Variants in MUC4 observed in about 807,000 individuals in gnomAD.
The protein encoded by MUC4 is mucin 4, cell surface associated.
Under a neutral mutation model 257.9 loss-of-function variants are expected in MUC4, and 202 were observed. That is an observed-to-expected ratio of 0.78 (90% confidence interval 0.70 to 0.88). MUC4 has a LOEUF of 0.88. Ranked by LOEUF, MUC4 falls within the 40% of genes least tolerant of loss-of-function variation. The pLI is 0.00. For synonymous variants in MUC4, 2,351 were observed against 2,757.1 expected (o/e 0.85, Z 4.62); for missense variants, 5,976 against 6,513.7 (o/e 0.92, Z 2.84).
At chr3:195,765,519 G>T in intron 8 of MUC4, 70 bp from the exon 9 acceptor site, 1 of 1,486,122 alleles carries the variant, frequency 6.7e-7, no homozygotes, top group Non-Finnish European at 9.1e-7. Flanking sequence ...CAGCTTTAGG[G>T]TCAACCAAAA....
At position 195,811,798 on chromosome 3, in the gene MUC4, C is replaced by T; in HGVS notation, c.20G>A (p.Arg7Lys). The change falls in exon 1 of 25, where the codon AGG becomes AAG. Residue 7 changes from arginine to lysine, a missense_variant. Arg to Lys is a conservative substitution (Grantham distance 26, BLOSUM62 2). Around this residue, in one of 44 missense-constraint regions of MUC4, gnomAD observed 1,583 missense variants for 1,257.4 expected, o/e 1.26. Coordinates refer to ENST00000463781, the MANE Select transcript of MUC4 (RefSeq NM_018406.7). ...GCTCAGGGACACCCAGGGGACCCTC[C>T]TCCAGCGTGCCCCCTTCATGGCTGC... MKGARW[R>K]RVPWVSLSCL... 2 of 1,613,980 alleles carry T rather than the reference C, an allele frequency of 1.2e-6. No homozygotes were observed. The highest frequency in any genetic ancestry group is 1.7e-6 in the Non-Finnish European group (2 of 1,179,972).
rs371075288 is a variant in MUC4, at chr3:195,788,658, G to A, written c.2922C>T (p.Ala974=). 1.5e-4 allele frequency: 244 copies of A among 1,611,510 alleles called. No individual in the cohort carries two copies. The highest frequency in any genetic ancestry group is 2.0e-4 in the Non-Finnish European group (232 of 1,178,806). ...AAGCGTAGGTGACAGGAAGAGGGGTGGCGTTGCTGATGAGGGCCGTGGTGA... is the reference window on the plus strand; with the variant it reads ...AAGCGTAGGTGACAGGAAGAGGGGTAGCGTTGCTGATGAGGGCCGTGGTGA... The part of the protein sequence containing the change: ...KTFTTALISN[A]TPLPVTYASS... Residue 974 remains alanine, a synonymous_variant, in exon 2 of 25, where the codon GCC becomes GCT. Transcript: ENST00000463781.
chr3:195,752,703 C>A lies in MUC4; in HGVS notation c.15509-257G>T, dbSNP rs150458688. The stretch of plus-strand genomic sequence containing the variant: ...ACCGGGAGAAGTGGCCCTCACCCTA[C>A]ATTCCACAGTGACAGAAGGTTGCTG... On this transcript the variant is annotated intron_variant, in intron 20 of 24. Transcript: ENST00000463781. 3.4e-3 allele frequency among the ~76,000 whole-genome samples: 519 copies of A among 151,940 alleles called. 3 individuals are homozygous for A. Among genetic ancestry groups the A allele is most frequent in the African/African-American group, 0.011 (473 of 41,386 alleles).
At chr3:195,770,500 C>G in intron 5 of MUC4, 129 bp from the exon 6 acceptor site, 1 of 1,066,358 alleles carries the variant, frequency 9.4e-7, no homozygotes, top group South Asian at 1.4e-5. Flanking sequence ...TGTCCCAGGC[C>G]TGCATTTTTG....
At chr3:195,771,020 G>A in intron 5 of MUC4, 2 of 347,412 alleles carry the variant, frequency 5.8e-6, no homozygotes, top group South Asian at 2.1e-5. Context: ...CTCGTGGTTG[G>A]GTTGGGGTAT....
At chr3:195,791,604 T>C in intron 1 of MUC4, 107 bp from the exon 2 acceptor site, 1 of 734,434 alleles carries the variant, frequency 1.4e-6, no homozygotes, top group Admixed American at 2.5e-5. Context: ...TAACAAAGGA[T>C]GTGAAAACTA....
intron 6 of MUC4, 51 bp from the exon 7 acceptor site, chr3:195,769,203 C>G: frequency 2.5e-6 from 4 of 1,604,574 alleles, no homozygotes; most frequent in Non-Finnish European, 3.4e-6. Context: ...GATCCGGGGT[C>G]TCCTCTCTTA....
In MUC4 at chr3:195,757,236, G is replaced by A. The variant is rs576334017; in HGVS notation, c.15079C>T (p.Leu5027Phe). Residue 5027 changes from leucine (L) to phenylalanine (F), a missense_variant, in exon 18 of 25, where the codon CTC (leucine) becomes TTC (phenylalanine). This residue lies in a region of MUC4 where 996 missense variants were observed against 1,137.3 expected (regional missense o/e 0.88). Coordinates refer to ENST00000463781, the MANE Select transcript of MUC4 (RefSeq NM_018406.7). This position sits in a 1 kb window ranked among gnomAD's most constrained non-coding sequence, Gnocchi z 4.8. ...TGGCAGACCACAGTCCTGGGCTGGA[G>A]TGCAGATGCCAAGCCAATCTTGGCA... ...RSAKIGLASALQPRTVVCHCN... is the reference protein window; with the variant it reads ...RSAKIGLASAFQPRTVVCHCN... The A allele has an allele frequency of 5.6e-5, 91 of 1,613,760 alleles. No homozygotes were observed. The South Asian group carries it at 8.7e-4, about 15-fold the overall frequency.
chr3:195,788,990 C>G lies in MUC4; in HGVS notation c.2590G>C (p.Ala864Pro). ...AAGGTGCCGGGGACGATCGAAGACG[C>G]CATTCCTGTGCTTACTGGGATGGCA... is the stretch of plus-strand genomic sequence containing the variant. ...HGAIPVSTGM[A>P]SSIVPGTFHP... Residue 864 changes from alanine (A) to proline (P), a missense_variant, in exon 2 of 25, where the codon GCG becomes CCG. This residue lies in a region of MUC4 where 1,583 missense variants were observed against 1,257.4 expected (regional missense o/e 1.26). Coordinates refer to ENST00000463781, the MANE Select transcript of MUC4 (RefSeq NM_018406.7). 2 of 1,613,794 alleles carry G rather than the reference C, an allele frequency of 1.2e-6. No individual in the cohort carries two copies. The highest frequency in any genetic ancestry group is 2.2e-5 in the East Asian group (1 of 44,878).
Position 195,767,379 on chromosome 3 carries a change from C to T in MUC4, c.13530-628G>A, listed in dbSNP as rs1239612963. Among the ~76,000 whole-genome samples the T allele has an allele frequency of 2.6e-5, 4 of 151,446 alleles. 1 individual carries two copies. Among genetic ancestry groups the T allele is most frequent in the African/African-American group, 4.9e-5 (2 of 41,174 alleles). Reference sequence around the variant, plus strand: ...CTGCTGCTACCACCACCACCACCATCGCCAGCACTACCACCACCACCACCA... The same window carrying T: ...CTGCTGCTACCACCACCACCACCATTGCCAGCACTACCACCACCACCACCA... On this transcript the variant is annotated intron_variant, in intron 7 of 24. Coordinates refer to ENST00000463781, the MANE Select transcript of MUC4 (RefSeq NM_018406.7).
At chr3:195,775,964 CCCATACCTTCCACAT>C (rs1724554884) in intron 3 of MUC4, among the ~76,000 whole-genome samples, 13 of 29,696 alleles carry the variant, frequency 4.4e-4, no homozygotes, top group Non-Finnish European at 6.0e-4. Context: ...ACCTTCCACA[CCCATACCTTCCACAT>C]CCATACCTTC....
rs762956488 is a variant in MUC4 at position 195,783,927 on chromosome 3, G to A, written c.7653C>T (p.Ser2551=). The A allele has an allele frequency of 5.3e-6, 8 of 1,522,586 alleles. No homozygotes were observed. The highest frequency in any genetic ancestry group is 2.0e-5 in the Admixed American group (1 of 49,728). The allele number at this position is 1,522,586 out of a possible 1,614,324, so 94.3% of individuals were successfully genotyped here. ...HATSLHVTSP[S]SASTGHATSL... is the part of the protein sequence containing the mutation. ...AGGTGGCGTGACCTGTGGATGCTGA[G>A]GAAGGGCTGGTGACATGAAGAGAGG... Residue 2551 remains serine (S), a synonymous_variant, in exon 2 of 25, where the codon TCC becomes TCT. Coordinates refer to ENST00000463781, the MANE Select transcript of MUC4 (RefSeq NM_018406.7).
intron 18 of MUC4, 99 bp from the exon 19 acceptor site, chr3:195,754,471 C>T: frequency 3.5e-6 from 5 of 1,426,464 alleles, no homozygotes; most frequent in Non-Finnish European, 4.7e-6. Context: ...ACCCGTGGAC[C>T]CTGAGTCATG....
intron 1 of MUC4, among the ~76,000 whole-genome samples, chr3:195,807,774 G>A (rs1736166469): frequency 6.6e-6 from 1 of 152,232 alleles, no homozygotes; most frequent in Non-Finnish European, 1.5e-5. Context: ...AAGACACAGA[G>A]TAGCAAAACC....
intron 19 of MUC4, 32 bp downstream of exon 19, chr3:195,754,181 A>G (rs760880536): frequency 1.3e-6 from 2 of 1,587,666 alleles, no homozygotes; most frequent in Non-Finnish European, 1.7e-6. Flanking sequence ...TGCTCCCAGA[A>G]GCGCCTGCTC....
In MUC4 at chr3:195,781,804, G is replaced by A; in HGVS notation, c.9776C>T (p.Thr3259Ile). The change falls in exon 2 of 25, where the codon ACA (threonine) becomes ATA (isoleucine). Residue 3259 changes from threonine (T) to isoleucine (I), a missense_variant. Physicochemically the swap from Thr to Ile is moderately conservative, Grantham distance 89. Coordinates refer to ENST00000463781, the MANE Select transcript of MUC4 (RefSeq NM_018406.7). Reference sequence around the variant, plus strand: ...GACAGGAAGAGAGGTGGTGTCACCTGTGGATGCTGAGGAAGTGTCGGTGAC... The same window carrying A: ...GACAGGAAGAGAGGTGGTGTCACCTATGGATGCTGAGGAAGTGTCGGTGAC... ...LPVTDTSSASTGDTTSLPVTD... is the reference protein window; with the variant it reads ...LPVTDTSSASIGDTTSLPVTD... 2.7e-6 allele frequency: 3 copies of A among 1,093,152 alleles called. No homozygotes were observed. Among genetic ancestry groups the A allele is most frequent in the Non-Finnish European group, 3.5e-6 (3 of 856,452 alleles). The allele number at this position is 1,093,152 out of a possible 1,614,324, so 67.7% of individuals were successfully genotyped here. A position where few individuals can be genotyped will look rare whatever the true frequency, so the allele number is the denominator to read the frequency against.
chr3:195,780,915 G>A lies in MUC4; in HGVS notation c.10665C>T (p.Val3555=). 6.6e-7 allele frequency: 1 copy of A among 1,512,868 alleles called. No individual in the cohort carries two copies. The highest frequency in any genetic ancestry group is 1.2e-5 in the South Asian group (1 of 83,472). The allele number at this position is 1,512,868 out of a possible 1,614,324, so 93.7% of individuals were successfully genotyped here. ...CTGTGGATGCCGAGGAAGCGTCGGT[G>A]ACAGGAAGAGGGGTGGTGTCACCTG... ...VSTGDTTPLP[V]TDASSASTGQ... Residue 3555 remains valine (V), a synonymous_variant, in exon 2 of 25, where the codon GTC becomes GTT. Coordinates refer to ENST00000463781, the MANE Select transcript of MUC4 (RefSeq NM_018406.7).
In MUC4 at chr3:195,747,124, G is replaced by A; in HGVS notation, c.*52C>T. 6.2e-7 allele frequency: 1 copy of A among 1,605,038 alleles called. No individual in the cohort carries two copies. The highest frequency in any genetic ancestry group is 1.1e-5 in the South Asian group (1 of 90,752). The stretch of plus-strand genomic sequence containing the variant: ...TCCCAAAAGCAATGGCGCCTTAAAT[G>A]TGCGGTAAGGATGAGGTGAGTCTTG... On this transcript the variant is annotated 3_prime_UTR_variant, in exon 25 of 25. Coordinates refer to ENST00000463781, the MANE Select transcript of MUC4 (RefSeq NM_018406.7).
intron 3 of MUC4, among the ~76,000 whole-genome samples, chr3:195,775,396 C>T (rs1483829444): frequency 8.6e-6 from 1 of 116,182 alleles, no homozygotes; most frequent in East Asian, 3.1e-4. Flanking sequence ...CTTCCACACC[C>T]ATACCTTCCA....
Sources: gnomAD v4.1 joint callset for allele counts (sites outside exome capture counted in the v4.1 genomes callset) on GRCh38, gnomAD v4.1.1 for gene constraint, gnomAD v4.1.1 regional missense constraint, Gnocchi (gnomAD v3.1) non-coding constraint, MANE v1.5 for transcripts, NCBI Gene and HGNC (gene_info 2026-07-23, HGNC 2026-07-21) for gene names.